The following RAB3GAP2 variants were observed in gnomAD, a reference collection of about 807,000 sequenced individuals.
The protein encoded by RAB3GAP2 is RAB3 GTPase activating non-catalytic protein subunit 2, also known as rab3 GTPase-activating protein non-catalytic subunit.
A neutral mutation model predicts 185.3 loss-of-function variants in RAB3GAP2; 87 were observed. That is an observed-to-expected ratio of 0.47 (90% CI 0.39 to 0.56). The LOEUF (loss-of-function observed/expected upper bound fraction) is 0.56. Ranked by LOEUF, RAB3GAP2 falls within the 20% of genes least tolerant of loss-of-function variation. The probability of loss-of-function intolerance (pLI) is 0.00; values close to 1 mark genes in which losing one functional copy is unlikely to be tolerated. For missense variants in RAB3GAP2, 1,492 were observed against 1,638.2 expected, an observed-to-expected ratio of 0.91 and a Z score of 1.54; for synonymous variants, 554 against 576.1, an observed-to-expected ratio of 0.96 and a Z score of 0.55.
chr1:220,182,636 A>T (rs1658433276), intron 20 of RAB3GAP2, 82 bp downstream of exon 20: 1 of 1,278,304 alleles, frequency 7.8e-7, no homozygotes, highest in Non-Finnish European at 1.1e-6. Context: ...AAACAAATGG[A>T]ATCTCTGAGA....
intron 33 of RAB3GAP2, among the ~76,000 whole-genome samples, chr1:220,152,213 T>A (rs769477102): frequency 2.6e-5 from 4 of 152,166 alleles, no homozygotes; most frequent in African/African-American, 4.8e-5. Flanking sequence ...GTAGCTGGGA[T>A]TACAGGCACA....
intron 1 of RAB3GAP2, among the ~76,000 whole-genome samples, chr1:220,258,538 C>G (rs764254799): frequency 6.6e-6 from 1 of 152,114 alleles, no homozygotes; most frequent in Non-Finnish European, 1.5e-5. Context: ...ATTCAACATC[C>G]CTTCATGTTA....
chr1:220,181,628 A>G (rs1286988911), intron 21 of RAB3GAP2, among the ~76,000 whole-genome samples: 1 of 152,146 alleles, frequency 6.6e-6, no homozygotes, highest in Non-Finnish European at 1.5e-5. Flanking sequence ...TGTTTTTAAG[A>G]TATTTTTCAT....
chr1:220,252,239 A>G (rs1659947549), intron 1 of RAB3GAP2, among the ~76,000 whole-genome samples: 1 of 151,572 alleles, frequency 6.6e-6, no homozygotes, highest in Admixed American at 6.6e-5. Context: ...TTGGAAAGAT[A>G]TAGATATTAT....
intron 1 of RAB3GAP2, among the ~76,000 whole-genome samples, chr1:220,233,737 G>A (rs1659542680): frequency 6.6e-6 from 1 of 151,742 alleles, no homozygotes; most frequent in South Asian, 2.1e-4. Context: ...GTCTCACTCT[G>A]CTGTCCAGGC....
intron 1 of RAB3GAP2, among the ~76,000 whole-genome samples, chr1:220,247,970 GAAGT>G (rs1659850520): frequency 6.6e-6 from 1 of 151,736 alleles, no homozygotes; most frequent in South Asian, 2.1e-4. Flanking sequence ...TTGATAAAGA[GAAGT>G]AAATGTAAAC....
At chr1:220,164,391 T>C (rs1658024041) in intron 27 of RAB3GAP2, among the ~76,000 whole-genome samples, 1 of 151,512 alleles carries the variant, frequency 6.6e-6, no homozygotes, top group African/African-American at 2.4e-5. Flanking sequence ...TACTATCAGT[T>C]GTTTTGCCCC....
chr1:220,244,093 C>T (rs1410589476), intron 1 of RAB3GAP2, among the ~76,000 whole-genome samples: 1 of 152,064 alleles, frequency 6.6e-6, no homozygotes, highest in African/African-American at 2.4e-5. Context: ...TAAAGGCCAT[C>T]CAAATTGGAA....
chr1:220,213,736 G>GT, intron 3 of RAB3GAP2, 120 bp downstream of exon 3: 5 of 943,918 alleles, frequency 5.3e-6, no homozygotes, highest in Non-Finnish European at 7.6e-6. Flanking sequence ...AGGAGTTGGG[G>GT]GGGGGGGGAG....
At chr1:220,175,467 T>G (rs1251620270) in intron 21 of RAB3GAP2, among the ~76,000 whole-genome samples, 2 of 152,136 alleles carry the variant, frequency 1.3e-5, no homozygotes, top group Non-Finnish European at 2.9e-5. Context: ...TTCGCCCGCC[T>G]TGGCCTCCCA....
intron 23 of RAB3GAP2, 114 bp from the exon 24 acceptor site, chr1:220,171,234 A>G: frequency 1.1e-6 from 1 of 905,310 alleles, no homozygotes; most frequent in East Asian, 2.6e-5. Flanking sequence ...AAAGCAACAC[A>G]TACATGCTAT....
intron 10 of RAB3GAP2, among the ~76,000 whole-genome samples, 158 bp from the exon 11 acceptor site, chr1:220,195,535 G>A (rs574003116): frequency 7.9e-5 from 12 of 152,202 alleles, no homozygotes; most frequent in South Asian, 2.1e-4. Context: ...TATTTTAGGC[G>A]TAATATGAGA....
At chr1:220,185,596 G>C in intron 18 of RAB3GAP2, 55 bp downstream of exon 18, 1 of 1,293,586 alleles carries the variant, frequency 7.7e-7, no homozygotes, top group Non-Finnish European at 1.1e-6. Flanking sequence ...TCTATAATCA[G>C]AGTTACAAAA....
chr1:220,264,935 T>C (rs1433179271), intron 1 of RAB3GAP2, among the ~76,000 whole-genome samples: 1 of 152,162 alleles, frequency 6.6e-6, no homozygotes, highest in Non-Finnish European at 1.5e-5. Flanking sequence ...TTATTTTATT[T>C]ATCTTTAAAC....
chr1:220,253,591 A>C (rs1194451015), intron 1 of RAB3GAP2: 3 of 1,581,114 alleles, frequency 1.9e-6, no homozygotes, highest in African/African-American at 2.7e-5. Flanking sequence ...GCAGGACCCG[A>C]AGCCTAAATT....
At chr1:220,251,446 T>A (rs1468738349) in intron 1 of RAB3GAP2, among the ~76,000 whole-genome samples, 1 of 152,114 alleles carries the variant, frequency 6.6e-6, no homozygotes, top group African/African-American at 2.4e-5. Context: ...ATAGAAAAAG[T>A]TTAAAGATAC....
intron 26 of RAB3GAP2, 88 bp downstream of exon 26, chr1:220,167,205 A>G: frequency 8.5e-7 from 1 of 1,175,132 alleles, no homozygotes; most frequent in Non-Finnish European, 1.3e-6. Flanking sequence ...CAGTGTTTAT[A>G]ATAAGCTATT....
rs1282492775 is a variant in RAB3GAP2 at position 220,216,059 on chromosome 1, A to AC, written c.181-2081_181-2080insG. Among the ~76,000 whole-genome samples, 5 of 151,412 alleles carry AC rather than the reference A, an allele frequency of 3.3e-5. No individual in the cohort carries two copies. The East Asian group carries it at 1.1e-3, about 32-fold the overall frequency. Reference sequence around the variant, plus strand: ...ACCATCAAAGAAATGTTTAAAACACAAAAAAAATATGGGTTACAGGGAATC... The same window carrying AC: ...ACCATCAAAGAAATGTTTAAAACACACAAAAAAATATGGGTTACAGGGAATC... On this transcript the variant is annotated intron_variant, in intron 2 of 34. Transcript: ENST00000358951.
chr1:220,209,650 C>T (rs1659041994), intron 7 of RAB3GAP2, among the ~76,000 whole-genome samples: 1 of 152,088 alleles, frequency 6.6e-6, no homozygotes, highest in Non-Finnish European at 1.5e-5. Flanking sequence ...AAGATTCTTT[C>T]ACAGCTCCAG....
Sources: gnomAD v4.1 joint callset for allele counts (sites outside exome capture counted in the v4.1 genomes callset) on GRCh38, gnomAD v4.1.1 for gene constraint, MANE v1.5 for transcripts, NCBI Gene and HGNC (gene_info 2026-07-23, HGNC 2026-07-21) for gene names.